The following NCOA2 variants were observed in gnomAD, a reference collection of about 807,000 sequenced individuals.
NCOA2 encodes the protein class E basic helix-loop-helix protein 75.
In NCOA2, 21 loss-of-function variants were observed where a neutral mutation model predicts 145.1. That is an observed-to-expected ratio of 0.14 (90% CI 0.10 to 0.21). The LOEUF is 0.21. NCOA2 is among the 10% of genes least tolerant of loss of function. NCOA2 has a pLI of 1.00. For synonymous variants in NCOA2, 619 were observed against 637.5 expected (o/e 0.97, Z 0.44); for missense variants, 1,472 against 1,837.6 (o/e 0.80, Z 3.64).
intron 1 of NCOA2, among the ~76,000 whole-genome samples, chr8:70,377,060 TTG>T (rs1184373772): frequency 2.7e-5 from 3 of 109,888 alleles, no homozygotes; most frequent in South Asian, 3.2e-4. Context: ...TGCTTATACG[TTG>T]TGTTTTTTTT....
At chr8:70,170,402 T>C (rs1814115263) in intron 5 of NCOA2, 23 bp from the exon 6 acceptor site, 3 of 1,536,888 alleles carry the variant, frequency 2.0e-6, no homozygotes, top group African/African-American at 1.4e-5. Context: ...GTACAAATTG[T>C]GTTAGAAAGG....
Position 70,126,994 on chromosome 8 carries a change from C to G in NCOA2, c.3735G>C (p.Gln1245His). ...LAQRQREILN[Q>H]HLRQRQMHQQ... is the part of the protein sequence containing the mutation. Reference sequence around the variant, plus strand: ...GATGCATTTGTCTCTGTCGAAGATGCTGGTTCAGGATTTCCCTCTGTCTCT... The same window carrying G: ...GATGCATTTGTCTCTGTCGAAGATGGTGGTTCAGGATTTCCCTCTGTCTCT... Residue 1245 changes from glutamine (Q) to histidine (H), a missense_variant, in exon 19 of 23, where the codon CAG becomes CAC. This residue lies in a region of NCOA2 where 232 missense variants were observed against 290.6 expected (regional missense o/e 0.80). Transcript: ENST00000452400. 1 of 1,613,468 alleles carries G rather than the reference C, an allele frequency of 6.2e-7. No individual in the cohort carries two copies. Among genetic ancestry groups the G allele is most frequent in the Non-Finnish European group, 8.5e-7 (1 of 1,179,690 alleles).
chr8:70,294,204 TTAAAG>T (rs1278942879), intron 2 of NCOA2, among the ~76,000 whole-genome samples: 2 of 152,112 alleles, frequency 1.3e-5, no homozygotes, highest in Admixed American at 6.5e-5. Context: ...TCTTCAATAG[TTAAAG>T]TATTTTTCCC....
At chr8:70,254,166 G>A (rs1261309433) in intron 2 of NCOA2, among the ~76,000 whole-genome samples, 1 of 152,132 alleles carries the variant, frequency 6.6e-6, no homozygotes, top group Non-Finnish European at 1.5e-5. Context: ...AATCATTAGG[G>A]AAATGCAAAT....
At chr8:70,273,178 G>T (rs958821380) in intron 2 of NCOA2, among the ~76,000 whole-genome samples, 1 of 152,048 alleles carries the variant, frequency 6.6e-6, no homozygotes, top group Non-Finnish European at 1.5e-5. Context: ...GATAAGAGTA[G>T]CCTAAAGCAG....
chr8:70,126,681 C>T, intron 19 of NCOA2, 132 bp downstream of exon 19: 2 of 786,468 alleles, frequency 2.5e-6, no homozygotes, highest in East Asian at 5.4e-5. Flanking sequence ...CCCAGGTTTC[C>T]TATCATTCCC....
At chr8:70,120,531 G>T (rs572811544) in intron 22 of NCOA2, among the ~76,000 whole-genome samples, 1 of 152,164 alleles carries the variant, frequency 6.6e-6, no homozygotes, top group East Asian at 1.9e-4. Context: ...GACCAGCCTG[G>T]CCAACATGGT....
At chr8:70,113,765 G>GC (rs1183280645) in intron 22 of NCOA2, 122 bp from the exon 23 acceptor site, 7 of 902,566 alleles carry the variant, frequency 7.8e-6, no homozygotes, top group East Asian at 2.6e-5. Context: ...CACAGAGGCC[G>GC]CATCTGGATG....
intron 2 of NCOA2, among the ~76,000 whole-genome samples, chr8:70,240,795 C>T (rs898443055): frequency 2.0e-5 from 3 of 152,120 alleles, no homozygotes; most frequent in African/African-American, 7.2e-5. Context: ...GACCAGAGGC[C>T]TGCAGGAACC....
intron 1 of NCOA2, among the ~76,000 whole-genome samples, chr8:70,312,457 C>G (rs926980377): frequency 6.6e-6 from 1 of 152,092 alleles, no homozygotes; most frequent in African/African-American, 2.4e-5. Context: ...ATTAATAATG[C>G]ACATAAGGTC....
chr8:70,422,769 C>T, the NCOA2 span, among the ~76,000 whole-genome samples: 1 of 151,844 alleles, frequency 6.6e-6, no homozygotes, highest in East Asian at 1.9e-4. Context: ...TGTTTTTTTT[C>T]TTTTAAATAT....
intron 4 of NCOA2, among the ~76,000 whole-genome samples, chr8:70,183,206 G>A (rs78667606): frequency 0.011 from 1,671 of 152,206 alleles, 15 homozygotes; most frequent in Non-Finnish European, 0.017. Flanking sequence ...GAGATTAGAT[G>A]AAAGAAGGAA....
chr8:70,344,463 C>T (rs1249588156), intron 1 of NCOA2, among the ~76,000 whole-genome samples: 11 of 152,246 alleles, frequency 7.2e-5, no homozygotes, highest in African/African-American at 2.4e-4. Context: ...TCATCTGCTC[C>T]TCCTCTGGTC....
At chr8:70,233,470 C>G (rs182751872) in intron 2 of NCOA2, among the ~76,000 whole-genome samples, 5 of 152,158 alleles carry the variant, frequency 3.3e-5, no homozygotes, top group Admixed American at 2.0e-4. Flanking sequence ...TAAGGGAATA[C>G]AGGCATGTAG....
At chr8:70,375,634 T>G (rs1016691170) in intron 1 of NCOA2, among the ~76,000 whole-genome samples, 2 of 152,156 alleles carry the variant, frequency 1.3e-5, no homozygotes, top group African/African-American at 4.8e-5. Flanking sequence ...CAGTCCACAT[T>G]TGTGATACTG....
chr8:70,325,529 ATCC>A (rs1007933225), intron 1 of NCOA2, among the ~76,000 whole-genome samples: 40 of 151,712 alleles, frequency 2.6e-4, no homozygotes, highest in African/African-American at 9.4e-4. Context: ...GGCTCAGGTG[ATCC>A]TCCTAAGTAG....
chr8:70,200,277 G>A (rs571726176), intron 4 of NCOA2, among the ~76,000 whole-genome samples: 4 of 152,216 alleles, frequency 2.6e-5, no homozygotes, highest in East Asian at 1.9e-4. Flanking sequence ...TAAGGTACAC[G>A]TATGTACCTC....
intron 1 of NCOA2, among the ~76,000 whole-genome samples, chr8:70,376,892 T>G (rs1811718163): frequency 6.6e-6 from 1 of 152,194 alleles, no homozygotes; most frequent in Non-Finnish European, 1.5e-5. Flanking sequence ...AATCTCATAG[T>G]CACTGATGAT....
intron 1 of NCOA2, among the ~76,000 whole-genome samples, chr8:70,372,755 C>T (rs944753862): frequency 6.6e-6 from 1 of 152,090 alleles, no homozygotes; most frequent in African/African-American, 2.4e-5. Flanking sequence ...CCAAAAAGTG[C>T]CCTCATCACC....
Sources: gnomAD v4.1 joint callset for allele counts (sites outside exome capture counted in the v4.1 genomes callset) on GRCh38, gnomAD v4.1.1 for gene constraint, gnomAD v4.1.1 regional missense constraint, MANE v1.5 for transcripts, NCBI Gene and HGNC (gene_info 2026-07-23, HGNC 2026-07-21) for gene names.